The following SRGAP2 variants were observed in gnomAD, a reference collection of about 807,000 sequenced individuals.
SRGAP2 encodes the protein SLIT-ROBO Rho GTPase activating protein 2.
A neutral mutation model predicts 57.2 loss-of-function variants in SRGAP2; 15 were observed. The ratio of observed to expected loss-of-function variants is 0.26; its 90% CI spans 0.18 to 0.40. The LOEUF is 0.40. Among genes scored for constraint, SRGAP2 ranks in the 10% least tolerant of loss-of-function variants. The pLI, the probability that SRGAP2 is intolerant of heterozygous loss-of-function variation, is 1.00. For synonymous variants in SRGAP2, 249 were observed against 248.0 expected (o/e 1.00, Z -0.04); for missense variants, 520 against 669.6 (o/e 0.78, Z 2.47).
intron 2 of SRGAP2, among the ~76,000 whole-genome samples, chr1:206,212,221 C>T (rs572880125): frequency 2.0e-5 from 3 of 149,344 alleles, no homozygotes; most frequent in African/African-American, 7.4e-5. Flanking sequence ...ACTCTGTCAC[C>T]CAGGCTGGAT....
At chr1:206,430,454 A>AT (rs1661192725) in intron 14 of SRGAP2, among the ~76,000 whole-genome samples, 1 of 152,176 alleles carries the variant, frequency 6.6e-6, no homozygotes, top group Non-Finnish European at 1.5e-5. Flanking sequence ...ATCACGCAGC[A>AT]TTTTTTTAGC....
At chr1:206,415,854 G>A (rs1553361618) in intron 10 of SRGAP2, 35 bp from the exon 11 acceptor site, 1 of 763,172 alleles carries the variant, frequency 1.3e-6, no homozygotes, top group East Asian at 2.5e-5. Context: ...TTCTTCAGGA[G>A]TCTGATTGCT....
At chr1:206,409,744 T>C (rs1172391025) in intron 10 of SRGAP2, among the ~76,000 whole-genome samples, 1 of 149,956 alleles carries the variant, frequency 6.7e-6, no homozygotes, top group Non-Finnish European at 1.5e-5. Flanking sequence ...ATCGTGTCAC[T>C]GCACTCCAGC....
chr1:206,234,451 C>T (rs1329368358), intron 2 of SRGAP2, among the ~76,000 whole-genome samples: 5 of 152,146 alleles, frequency 3.3e-5, no homozygotes, highest in African/African-American at 1.2e-4. Context: ...TCCATCTTTA[C>T]TTTGCTGCAT....
At chr1:206,447,679 A>T (rs1428557874) in intron 18 of SRGAP2, among the ~76,000 whole-genome samples, 1 of 152,172 alleles carries the variant, frequency 6.6e-6, no homozygotes, top group Non-Finnish European at 1.5e-5. Context: ...TCCCCCTTGC[A>T]TGCGTGGTGA....
At chr1:206,307,293 G>A (rs1320095471) in intron 3 of SRGAP2, among the ~76,000 whole-genome samples, 4 of 152,238 alleles carry the variant, frequency 2.6e-5, no homozygotes, top group Non-Finnish European at 5.9e-5. Flanking sequence ...CAAACCTTGA[G>A]CTAAACACAG....
intron 3 of SRGAP2, among the ~76,000 whole-genome samples, chr1:206,322,407 A>G (rs1673523101): frequency 6.7e-6 from 1 of 149,438 alleles, no homozygotes; most frequent in South Asian, 2.1e-4. Flanking sequence ...CCCTGTCTCT[A>G]CTAAAAAATA....
In SRGAP2 at chr1:206,463,686, C is replaced by T. The variant is rs1052386081; in HGVS notation, c.*2266C>T. ...GAACTGAACAGTGTGTGAGTGGTCA[C>T]CTACTAAACCCAGCTCTGGGGGCAG... On this transcript the variant is annotated 3_prime_UTR_variant, in exon 23 of 23. Transcript: ENST00000573034. 3.3e-5 allele frequency: 5 copies of T among 152,604 alleles called. No homozygotes were observed. In the South Asian group the frequency reaches 1.0e-3, roughly 32 times the overall value. The allele number at this position is 152,604 out of a possible 1,614,324, so 9.5% of individuals were successfully genotyped here. A position where few individuals can be genotyped will look rare whatever the true frequency, so the allele number is the denominator to read the frequency against.
intron 3 of SRGAP2, among the ~76,000 whole-genome samples, chr1:206,313,126 C>CT: frequency 6.8e-6 from 1 of 147,380 alleles, no homozygotes; most frequent in South Asian, 2.2e-4. Flanking sequence ...TTGCAGAGAC[C>CT]TTCTGCTATT....
chr1:206,323,618 G>A (rs1410008418), intron 3 of SRGAP2, among the ~76,000 whole-genome samples: 1 of 151,140 alleles, frequency 6.6e-6, no homozygotes, highest in East Asian at 1.9e-4. Context: ...CTCAGCTGTA[G>A]GCCATGATTG....
chr1:206,281,718 G>A (rs1433126300), intron 2 of SRGAP2, among the ~76,000 whole-genome samples: 4 of 107,664 alleles, frequency 3.7e-5, no homozygotes, highest in Admixed American at 9.1e-5. Context: ...CATGGGAATC[G>A]CTTGAGCCCA....
intron 17 of SRGAP2, among the ~76,000 whole-genome samples, chr1:206,443,790 CTG>C (rs1373101864): frequency 1.3e-5 from 2 of 151,178 alleles, no homozygotes; most frequent in Non-Finnish European, 3.0e-5. Context: ...TTACACAAAA[CTG>C]TGTGCATTTA....
chr1:206,254,248 T>C (rs1669049393), intron 2 of SRGAP2, among the ~76,000 whole-genome samples: 1 of 116,504 alleles, frequency 8.6e-6, no homozygotes, highest in African/African-American at 4.0e-5. Context: ...TGAACCTCCA[T>C]GTACCCAACA....
At chr1:206,355,052 G>A (rs1676334314) in intron 4 of SRGAP2, among the ~76,000 whole-genome samples, 2 of 151,922 alleles carry the variant, frequency 1.3e-5, no homozygotes, top group Non-Finnish European at 2.9e-5. Context: ...ATAAACTTTT[G>A]TCTCATCTAA....
intron 10 of SRGAP2, among the ~76,000 whole-genome samples, chr1:206,414,463 A>G (rs541067796): frequency 1.3e-5 from 2 of 152,352 alleles, no homozygotes; most frequent in Admixed American, 1.3e-4. Flanking sequence ...ACCATTTAAA[A>G]TGGTGCATCC....
chr1:206,353,836 G>A (rs1203786508), intron 4 of SRGAP2, among the ~76,000 whole-genome samples: 2 of 87,708 alleles, frequency 2.3e-5, no homozygotes, highest in African/African-American at 9.7e-5. Context: ...GACTCACTTT[G>A]TCACCCAGGT....
intron 2 of SRGAP2, among the ~76,000 whole-genome samples, chr1:206,280,179 T>C (rs2102684878): frequency 6.7e-6 from 1 of 149,638 alleles, no homozygotes; most frequent in East Asian, 2.0e-4. Flanking sequence ...GCTCCAAGGC[T>C]CAAGCAATTC....
chr1:206,397,129 T>C (rs1174274077), intron 7 of SRGAP2, among the ~76,000 whole-genome samples: 1 of 152,030 alleles, frequency 6.6e-6, no homozygotes, highest in African/African-American at 2.4e-5. Flanking sequence ...ACCACTGTTA[T>C]GATTTCTTTC....
chr1:206,229,710 G>A (rs1338778241), intron 2 of SRGAP2, among the ~76,000 whole-genome samples: 1 of 151,932 alleles, frequency 6.6e-6, no homozygotes, highest in African/African-American at 2.4e-5. Flanking sequence ...GACTCTATTT[G>A]TACTTGGTCT....
Sources: gnomAD v4.1 joint callset for allele counts (sites outside exome capture counted in the v4.1 genomes callset) on GRCh38, gnomAD v4.1.1 for gene constraint, MANE v1.5 for transcripts, NCBI Gene and HGNC (gene_info 2026-07-23, HGNC 2026-07-21) for gene names.